Variants in NDRG2 observed in about 807,000 individuals in gnomAD.
The protein encoded by NDRG2 is NDRG family member 2.
In NDRG2, 34 loss-of-function variants were observed where a neutral mutation model predicts 58.2. That is an observed-to-expected ratio of 0.58 (90% CI 0.44 to 0.78). The LOEUF (loss-of-function observed/expected upper bound fraction) is 0.78, where lower values mean the gene tolerates loss of function less well. NDRG2 is among the 30% of genes least tolerant of loss of function. NDRG2 has a pLI of 0.00. For synonymous variants in NDRG2, 187 were observed against 175.9 expected (o/e 1.06, Z -0.50); for missense variants, 434 against 471.2 (o/e 0.92, Z 0.73).
chr14:21,035,479 C>G (rs893906118), intron 1 of NDRG2, among the ~76,000 whole-genome samples: 1 of 152,218 alleles, frequency 6.6e-6, no homozygotes, highest in Non-Finnish European at 1.5e-5. Flanking sequence ...CTGGAAACTG[C>G]TAGCTCTTGC....
At chr14:21,020,350 A>G in intron 8 of NDRG2, 146 bp downstream of exon 8, 1 of 647,382 alleles carries the variant, frequency 1.5e-6, no homozygotes, top group Non-Finnish European at 2.7e-6. Context: ...TAAGAGACTC[A>G]GGCAAAGTGA....
chr14:21,017,649 A>T lies in NDRG2; in HGVS notation c.1063T>A (p.Ser355Thr). The T allele has an allele frequency of 6.2e-7, 1 of 1,613,176 alleles. No individual in the cohort carries two copies. Among genetic ancestry groups the T allele is most frequent in the Non-Finnish European group, 8.5e-7 (1 of 1,179,666 alleles). Residue 355 changes from serine to threonine, a missense_variant, in exon 16 of 16, where the codon TCT (serine) becomes ACT (threonine). Physicochemically the swap from Ser to Thr is moderately conservative, Grantham distance 58 (BLOSUM62 1). Coordinates refer to ENST00000556147, the MANE Select transcript of NDRG2 (RefSeq NM_001320329.2). Reference sequence around the variant, plus strand: ...GGGGGCCCCGAAGAAAGAGTTCCAGACTCGCTGCTCTGGGACAGGGTGCGA... The same window carrying T: ...GGGGGCCCCGAAGAAAGAGTTCCAGTCTCGCTGCTCTGGGACAGGGTGCGA... ...RSRTLSQSSESGTLSSGPPGH... is the reference protein window; with the variant it reads ...RSRTLSQSSETGTLSSGPPGH...
At position 21,031,959 on chromosome 14, in the gene NDRG2, A is replaced by C. The variant is rs1389906730; in HGVS notation, c.25-8638T>G. Reference sequence around the variant, plus strand: ...AGCAAGTACACCGGCACCCACAAGGAGCGCTTTGATGAGAGTGGCAAGGGC... The same window carrying C: ...AGCAAGTACACCGGCACCCACAAGGCGCGCTTTGATGAGAGTGGCAAGGGC... On this transcript the variant is annotated intron_variant, in intron 1 of 14. Transcript: ENST00000403829. 3 of 1,614,174 alleles carry C rather than the reference A, an allele frequency of 1.9e-6. No homozygotes were observed. The highest frequency in any genetic ancestry group is 2.5e-6 in the Non-Finnish European group (3 of 1,180,028).
chr14:21,056,316 C>G (rs114566345), intron 1 of NDRG2, among the ~76,000 whole-genome samples: 2 of 152,046 alleles, frequency 1.3e-5, no homozygotes, highest in Non-Finnish European at 2.9e-5. Flanking sequence ...TTTAATAATA[C>G]GCTAAATATA....
chr14:21,070,360 G>A lies in NDRG2; in HGVS notation c.24+468C>T. ...GGCGGTGGCGCGCCCGGCCCCGCCC[G>A]CCCGACCAAGCGTCGGACGCGGCCC... On this transcript the variant is annotated intron_variant, in intron 1 of 14. Coordinates refer to the NDRG2 transcript ENST00000403829. This position sits in a 1 kb window ranked among gnomAD's most constrained non-coding sequence, Gnocchi z 4.7. The A allele has an allele frequency of 7.1e-7, 1 of 1,405,440 alleles. No individual in the cohort carries two copies. The highest frequency in any genetic ancestry group is 9.2e-7 in the Non-Finnish European group (1 of 1,086,872). The allele number at this position is 1,405,440 out of a possible 1,614,324, so 87.1% of individuals were successfully genotyped here. A position where few individuals can be genotyped will look rare whatever the true frequency, so the allele number is the denominator to read the frequency against.
intron 1 of NDRG2, chr14:21,057,842 C>T (rs1199635670): frequency 1.3e-6 from 2 of 1,503,712 alleles, no homozygotes; most frequent in South Asian, 1.2e-5. Context: ...CCATGATGAC[C>T]TATTCATCCA....
rs147715664 is a variant in NDRG2, at chr14:21,057,711, G to C, written c.24+13117C>G. The C allele has an allele frequency of 7.7e-4, 445 of 575,950 alleles. No individual in the cohort carries two copies. The East Asian group carries it at 0.012, about 16-fold the overall frequency. 35.7% of individuals were successfully genotyped at this position (575,950 alleles called of 1,614,324 possible). On this transcript the variant is annotated intron_variant, in intron 1 of 14. Coordinates refer to the NDRG2 transcript ENST00000403829. ...AAGTGTTTATTAGAGGCACAAAAAG[G>C]CACATTATCTGCTGGTACTAAACAA...
upstream of NDRG2, chr14:21,025,121 C>T: frequency 4.1e-6 from 4 of 984,022 alleles, no homozygotes; most frequent in South Asian, 4.7e-5. The surrounding 1 kb of genome is among the most constrained non-coding windows in gnomAD (Gnocchi z 5.1). Context: ...CGGCCCGCCC[C>T]AGCCCGCCCA....
upstream of NDRG2, chr14:21,025,667 G>A (rs1883483026): frequency 1.0e-6 from 1 of 985,216 alleles, no homozygotes. This position sits in a 1 kb window ranked among gnomAD's most constrained non-coding sequence, Gnocchi z 5.1. Flanking sequence ...CGTGCCCAGA[G>A]TCCTGGTACC....
rs759076402 is a variant in NDRG2, at chr14:21,021,874, T to C, written c.350A>G (p.Gln117Arg). 1.9e-6 allele frequency: 3 copies of C among 1,613,308 alleles called. No homozygotes were observed. The highest frequency in any genetic ancestry group is 2.7e-5 in the African/African-American group (2 of 75,010). ...TGCAAGCTGGTCCAGAGATGGGTACTGATATCTGGAAAAGAGAGGCATGTT... is the reference window on the plus strand; with the variant it reads ...TGCAAGCTGGTCCAGAGATGGGTACCGATATCTGGAAAAGAGAGGCATGTT... ...EGAPVFPLGYQYPSLDQLADM... is the reference protein window; with the variant it reads ...EGAPVFPLGYRYPSLDQLADM... The change falls in exon 6 of 16, where the codon CAG (glutamine) becomes CGG (arginine). Residue 117 changes from glutamine (Q) to arginine (R), a missense_variant. Physicochemically the swap from Gln to Arg is conservative, Grantham distance 43. Coordinates refer to ENST00000556147, the MANE Select transcript of NDRG2 (RefSeq NM_001320329.2).
chr14:21,068,545 C>A (rs1476684756), intron 1 of NDRG2, among the ~76,000 whole-genome samples: 1 of 151,988 alleles, frequency 6.6e-6, no homozygotes, highest in Admixed American at 6.6e-5. Context: ...AGGTTTGAGA[C>A]AGGTGAATAA....
At chr14:21,020,050 C>T in intron 8 of NDRG2, 74 bp from the exon 9 acceptor site, 1 of 1,398,924 alleles carries the variant, frequency 7.1e-7, no homozygotes. Context: ...AATCCCAGCA[C>T]TTTGGGAGGC....
chr14:21,024,378 C>A lies in NDRG2; in HGVS notation c.-355G>T, dbSNP rs967022659. The A allele has an allele frequency of 3.2e-6, 3 of 931,994 alleles. No homozygotes were observed. The highest frequency in any genetic ancestry group is 3.8e-6 in the Non-Finnish European group (3 of 781,288). 57.7% of individuals were successfully genotyped at this position (931,994 alleles called of 1,614,324 possible). Reference sequence around the variant, plus strand: ...GTGGCCCTGTCAGAACCTCCGGATTCGAATCCCGGCTCTGCCACTCCCAGT... The same window carrying A: ...GTGGCCCTGTCAGAACCTCCGGATTAGAATCCCGGCTCTGCCACTCCCAGT... On this transcript the variant is annotated 5_prime_UTR_variant, in exon 1 of 16. It introduces an in-frame stop codon into an upstream open reading frame of the 5' UTR. Coordinates refer to ENST00000556147, the MANE Select transcript of NDRG2 (RefSeq NM_001320329.2).
At chr14:21,030,111 A>G (rs937237641), upstream of NDRG2, 2 of 154,374 alleles carry the variant, frequency 1.3e-5, no homozygotes, top group Admixed American at 6.4e-5. Flanking sequence ...TAGGGAGACC[A>G]AAAGCCCCCT....
intron 1 of NDRG2, chr14:21,031,179 T>C (rs762247524): frequency 5.0e-6 from 8 of 1,611,868 alleles, no homozygotes; most frequent in Admixed American, 3.3e-5. Flanking sequence ...AGTGACAGCC[T>C]TCATCCCCTT....
At chr14:21,022,520 G>C (rs1173819304) in intron 3 of NDRG2, 23 bp from the exon 4 acceptor site, 1 of 1,575,626 alleles carries the variant, frequency 6.3e-7, no homozygotes, top group Non-Finnish European at 8.7e-7. Context: ...AGGGCACCAA[G>C]AGCTAGGCTC....
chr14:21,051,128 G>A (rs1241810703), intron 1 of NDRG2, among the ~76,000 whole-genome samples: 1 of 152,170 alleles, frequency 6.6e-6, no homozygotes, highest in Admixed American at 6.5e-5. Flanking sequence ...ACACATCTGT[G>A]TTCCACCTGG....
At chr14:21,069,099 G>A (rs924671348) in intron 1 of NDRG2, among the ~76,000 whole-genome samples, 7 of 152,174 alleles carry the variant, frequency 4.6e-5, no homozygotes, top group African/African-American at 1.7e-4. Context: ...TCTCCCTTCC[G>A]TCCACCCTTT....
intron 1 of NDRG2, among the ~76,000 whole-genome samples, chr14:21,036,444 C>CA (rs1884634577): frequency 6.6e-6 from 1 of 152,018 alleles, no homozygotes; most frequent in Non-Finnish European, 1.5e-5. Flanking sequence ...TTAAAACATG[C>CA]AAAAAAATTC....
Sources: gnomAD v4.1 joint callset for allele counts (sites outside exome capture counted in the v4.1 genomes callset) on GRCh38, gnomAD v4.1.1 for gene constraint, Gnocchi (gnomAD v3.1) non-coding constraint, MANE v1.5 for transcripts, NCBI Gene and HGNC (gene_info 2026-07-23, HGNC 2026-07-21) for gene names.